Variants in DBNL observed in about 807,000 individuals in gnomAD.
DBNL encodes the protein drebrin like.
DBNL carries 35 observed loss-of-function variants against 62.2 expected under a neutral mutation model. That is an observed-to-expected ratio of 0.56 (90% CI 0.43 to 0.75). DBNL has a LOEUF of 0.75. Among genes scored for constraint, DBNL ranks in the 30% least tolerant of loss-of-function variants. The pLI, the probability that DBNL is intolerant of heterozygous loss-of-function variation, is 0.00. For synonymous variants in DBNL, 197 were observed against 218.0 expected (o/e 0.90, Z 0.85); for missense variants, 495 against 578.4 (o/e 0.86, Z 1.48).
rs375409776 is a variant in DBNL at position 44,059,808 on chromosome 7, G to A, written c.1047+150G>A. The stretch of plus-strand genomic sequence containing the variant: ...CCTGTGTTATAAATTGTCAGGGCAC[G>A]CCCCACTCTATAGGAGGTGCTGGGT... On this transcript the variant is annotated intron_variant, in intron 11 of 12. Coordinates refer to ENST00000448521, the MANE Select transcript of DBNL (RefSeq NM_001014436.3). This position sits in a 1 kb window ranked among gnomAD's most constrained non-coding sequence, Gnocchi z 4.1. 1.1e-6 allele frequency: 1 copy of A among 869,874 alleles called. No homozygotes were observed. Among genetic ancestry groups the A allele is most frequent in the South Asian group, 1.7e-5 (1 of 58,200 alleles). 53.9% of individuals were successfully genotyped at this position (869,874 alleles called of 1,614,324 possible). A position where few individuals can be genotyped will look rare whatever the true frequency, so the allele number is the denominator to read the frequency against.
At position 44,065,347 on chromosome 7, in the gene DBNL, C is replaced by T. The variant is rs202091578; in HGVS notation, c.*4431C>T. On this transcript the variant is annotated 3_prime_UTR_variant, in exon 13 of 13. Coordinates refer to ENST00000448521, the MANE Select transcript of DBNL (RefSeq NM_001014436.3). ...TGGCCCAGAGGGTGCGGATGGCCCGCTTCAGCACTGACGTGTAGCAGATGT... is the reference window on the plus strand; with the variant it reads ...TGGCCCAGAGGGTGCGGATGGCCCGTTTCAGCACTGACGTGTAGCAGATGT... 2.0e-5 allele frequency: 33 copies of T among 1,613,868 alleles called. No homozygotes were observed. Among genetic ancestry groups the T allele is most frequent in the Non-Finnish European group, 2.7e-5 (32 of 1,180,036 alleles).
At chr7:44,052,479 G>A (rs555112134) in intron 3 of DBNL, among the ~76,000 whole-genome samples, 149 of 152,044 alleles carry the variant, frequency 9.8e-4, no homozygotes, top group African/African-American at 3.4e-3. Context: ...GCATGGCAGC[G>A]TGCACCTGTA....
intron 8 of DBNL, 45 bp downstream of exon 8, chr7:44,058,525 C>T (rs536771044): frequency 1.1e-5 from 18 of 1,607,462 alleles, no homozygotes; most frequent in East Asian, 4.5e-5. Context: ...CCTGGCCACA[C>T]GCAGAAGTCC....
intron 2 of DBNL, chr7:44,050,747 A>G (rs1341167336): frequency 6.1e-6 from 1 of 164,058 alleles, no homozygotes; most frequent in East Asian, 1.7e-4. Flanking sequence ...TACAGGAAGG[A>G]CAGGCTCTTG....
In DBNL at chr7:44,065,678, T is replaced by TGCTGGGG; in HGVS notation, c.*4772_*4778dup. 2.6e-6 allele frequency: 2 copies of TGCTGGGG among 756,398 alleles called. No homozygotes were observed. The highest frequency in any genetic ancestry group is 1.7e-5 in the African/African-American group (1 of 58,880). The allele number at this position is 756,398 out of a possible 1,614,324, so 46.9% of individuals were successfully genotyped here. On this transcript the variant is annotated 3_prime_UTR_variant, in exon 13 of 13. Coordinates refer to ENST00000448521, the MANE Select transcript of DBNL (RefSeq NM_001014436.3). The stretch of plus-strand genomic sequence containing the variant: ...GGTGGCAGGTGACCAGTAGCTGAGC[T>TGCTGGGG]GCTGGGGGCTGGGGGCCAGGGGAGT...
chr7:44,055,213 C>T (rs905362372), intron 4 of DBNL, among the ~76,000 whole-genome samples: 2 of 152,220 alleles, frequency 1.3e-5, no homozygotes, highest in South Asian at 2.1e-4. Flanking sequence ...CGCCTGTAAT[C>T]CCAGCAGTTT....
rs370150382 is a variant in DBNL at position 44,062,136 on chromosome 7, G to C, written c.*1220G>C. The C allele has an allele frequency of 1.9e-5, 3 of 161,564 alleles. No individual in the cohort carries two copies. Among genetic ancestry groups the C allele is most frequent in the African/African-American group, 7.2e-5 (3 of 41,558 alleles). The allele number at this position is 161,564 out of a possible 1,614,324, so 10.0% of individuals were successfully genotyped here. Reference sequence around the variant, plus strand: ...GTTACCTGCTAGTGCCTGGGGTGAAGGCTGCATGGAGCCCAACCTTGCTCC... The same window carrying C: ...GTTACCTGCTAGTGCCTGGGGTGAACGCTGCATGGAGCCCAACCTTGCTCC... On this transcript the variant is annotated 3_prime_UTR_variant, in exon 13 of 13. Coordinates refer to ENST00000448521, the MANE Select transcript of DBNL (RefSeq NM_001014436.3).
rs376822256 is a variant in DBNL at position 44,044,736 on chromosome 7, C to T, written c.-2C>T. ...AGCGGCGCGGAGACTGCGGGGCGGG[C>T]CATGGCGGCGAACCTGAGCCGGAAC... On this transcript the variant is annotated 5_prime_UTR_variant, in exon 1 of 13. Transcript: ENST00000448521. The T allele has an allele frequency of 2.7e-4, 406 of 1,503,552 alleles. 4 individuals are homozygous for T. In the South Asian group the frequency reaches 4.4e-3, roughly 16 times the overall value. 93.1% of individuals were successfully genotyped at this position (1,503,552 alleles called of 1,614,324 possible).
rs1287603811 is a variant in DBNL at position 44,064,541 on chromosome 7, C to T, written c.*3625C>T. 1 of 472,168 alleles carries T rather than the reference C, an allele frequency of 2.1e-6. No homozygotes were observed. The highest frequency in any genetic ancestry group is 3.9e-6 in the Non-Finnish European group (1 of 256,480). 29.2% of individuals were successfully genotyped at this position (472,168 alleles called of 1,614,324 possible). A position where few individuals can be genotyped will look rare whatever the true frequency, so the allele number is the denominator to read the frequency against. On this transcript the variant is annotated 3_prime_UTR_variant, in exon 13 of 13. Transcript: ENST00000448521. ...CCAGATGCTCTAAGCCCAGCCCTTC[C>T]GTTTCCTAGCTGGGTGTCCCTTGGC... is the stretch of plus-strand genomic sequence containing the variant.
rs779025549 is a variant in DBNL at position 44,060,726 on chromosome 7, G to C, written c.1154-51G>C. 1 of 1,596,650 alleles carries C rather than the reference G, an allele frequency of 6.3e-7. No individual in the cohort carries two copies. Among genetic ancestry groups the C allele is most frequent in the South Asian group, 1.1e-5 (1 of 89,806 alleles). On this transcript the variant is annotated intron_variant, in intron 12 of 12. Transcript: ENST00000448521. This position sits in a 1 kb window ranked among gnomAD's most constrained non-coding sequence, Gnocchi z 6.3. ...GCTGCCGTGGGCTGCCCGAGCAGGT[G>C]GGATGTGGGAGGGAGCCCCTGATAT...
chr7:44,064,809 C>T lies in DBNL; in HGVS notation c.*3893C>T. ...GGGGCTGCTGCCCACCCACCCTGCC[C>T]AGGCTCCTGAAGGTGGCCTCACCTT... is the stretch of plus-strand genomic sequence containing the variant. On this transcript the variant is annotated 3_prime_UTR_variant, in exon 13 of 13. Transcript: ENST00000448521. 1 of 1,556,848 alleles carries T rather than the reference C, an allele frequency of 6.4e-7. No individual in the cohort carries two copies. Among genetic ancestry groups the T allele is most frequent in the Non-Finnish European group, 8.7e-7 (1 of 1,145,048 alleles).
chr7:44,057,774 C>G lies in DBNL; in HGVS notation c.475-8C>G. On this transcript the variant is annotated splice_polypyrimidine_tract_variant and splice_region_variant and intron_variant, in intron 5 of 12. Coordinates refer to ENST00000448521, the MANE Select transcript of DBNL (RefSeq NM_001014436.3). The stretch of plus-strand genomic sequence containing the variant: ...GTCCAGGTCTCTAATGAGTGCTGTC[C>G]CCTACAGGGCTCTGTGTACCAGAAG... 2.5e-6 allele frequency: 4 copies of G among 1,614,142 alleles called. No individual in the cohort carries two copies. The highest frequency in any genetic ancestry group is 3.4e-6 in the Non-Finnish European group (4 of 1,180,014).
intron 4 of DBNL, among the ~76,000 whole-genome samples, chr7:44,055,420 T>C (rs923381750): frequency 1.3e-5 from 2 of 152,180 alleles, no homozygotes; most frequent in East Asian, 1.9e-4. Flanking sequence ...TGAGCCGAGA[T>C]TGTCCACTGC....
chr7:44,056,899 C>T lies in DBNL; in HGVS notation c.470C>T (p.Pro157Leu). 2 of 1,613,844 alleles carry T rather than the reference C, an allele frequency of 1.2e-6. No individual in the cohort carries two copies. Among genetic ancestry groups the T allele is most frequent in the Non-Finnish European group, 1.7e-6 (2 of 1,179,992 alleles). ...GRFQDVGPQA[P>L]VGSVYQKTNA... ...TTCCAGGACGTGGGACCCCAGGCCCCAGTGGTGAGTGCTGCTTGCCCATCG... is the reference window on the plus strand; with the variant it reads ...TTCCAGGACGTGGGACCCCAGGCCCTAGTGGTGAGTGCTGCTTGCCCATCG... Residue 157 changes from proline to leucine, a missense_variant, in exon 5 of 13, where the codon CCA becomes CTA. Transcript: ENST00000448521.
intron 4 of DBNL, among the ~76,000 whole-genome samples, chr7:44,054,592 T>C (rs547916781): frequency 2.1e-4 from 32 of 152,212 alleles, no homozygotes; most frequent in Non-Finnish European, 4.0e-4. Context: ...ATCAGGGTAA[T>C]TAGCATGTTC....
chr7:44,060,631 T>A lies in DBNL; in HGVS notation c.1154-146T>A. On this transcript the variant is annotated intron_variant, in intron 12 of 12. Transcript: ENST00000448521. The surrounding 1 kb of genome is among the most constrained non-coding windows in gnomAD (Gnocchi z 6.3). ...GACAGGGTGCAGTGTTGGCCAAGGC[T>A]TAGCAGGGTGGCAGGGATATTTCTG... is the stretch of plus-strand genomic sequence containing the variant. 8.1e-7 allele frequency: 1 copy of A among 1,236,606 alleles called. No homozygotes were observed. The highest frequency in any genetic ancestry group is 1.1e-6 in the Non-Finnish European group (1 of 901,484). The allele number at this position is 1,236,606 out of a possible 1,614,324, so 76.6% of individuals were successfully genotyped here.
Position 44,059,278 on chromosome 7 carries a change from G to A in DBNL, c.836-76G>A, listed in dbSNP as rs1295267991. 6.9e-7 allele frequency: 1 copy of A among 1,450,580 alleles called. No homozygotes were observed. Among genetic ancestry groups the A allele is most frequent in the African/African-American group, 1.4e-5 (1 of 71,652 alleles). 89.9% of individuals were successfully genotyped at this position (1,450,580 alleles called of 1,614,324 possible). On this transcript the variant is annotated intron_variant, in intron 9 of 12. Transcript: ENST00000448521. This position sits in a 1 kb window ranked among gnomAD's most constrained non-coding sequence, Gnocchi z 4.1. ...CATGAGACTGCCTCGAGCACACCAG[G>A]GTGGAGGGTGCTGTGGGGTGCGTGG... is the stretch of plus-strand genomic sequence containing the variant.
In DBNL at chr7:44,056,864, G is replaced by A; in HGVS notation, c.435G>A (p.Glu145=). 1 of 1,614,152 alleles carries A rather than the reference G, an allele frequency of 6.2e-7. No individual in the cohort carries two copies. Among genetic ancestry groups the A allele is most frequent in the Non-Finnish European group, 8.5e-7 (1 of 1,180,032 alleles). The change falls in exon 5 of 13, where the codon GAG becomes GAA. Residue 145 remains glutamate, a synonymous_variant. Coordinates refer to ENST00000448521, the MANE Select transcript of DBNL (RefSeq NM_001014436.3). ...ASGANYSFHK[E]SGRFQDVGPQ... ...GTGCCAACTACAGCTTTCACAAGGA[G>A]AGTGGCCGCTTCCAGGACGTGGGAC...
chr7:44,058,736 G>A (rs1318313792), intron 8 of DBNL, 166 bp from the exon 9 acceptor site: 6 of 870,314 alleles, frequency 6.9e-6, no homozygotes, highest in East Asian at 2.7e-5. Flanking sequence ...CTTTTTTAAC[G>A]TTACTTTTTA....
Sources: gnomAD v4.1 joint callset for allele counts (sites outside exome capture counted in the v4.1 genomes callset) on GRCh38, gnomAD v4.1.1 for gene constraint, Gnocchi (gnomAD v3.1) non-coding constraint, MANE v1.5 for transcripts, NCBI Gene and HGNC (gene_info 2026-07-23, HGNC 2026-07-21) for gene names.